The following LINGO1 variants were observed in gnomAD, a reference collection of about 807,000 sequenced individuals.
LINGO1 encodes leucine rich repeat and Ig domain containing 1.
A neutral mutation model predicts 37.3 loss-of-function variants in LINGO1; 11 were observed. The observed-to-expected ratio is 0.29, with a 90% CI of 0.19 to 0.49. The LOEUF (loss-of-function observed/expected upper bound fraction) is 0.49. Among genes scored for constraint, LINGO1 ranks in the 20% least tolerant of loss-of-function variants. The pLI, the probability that LINGO1 is intolerant of heterozygous loss-of-function variation, is 0.99. For missense variants in LINGO1, 585 were observed against 878.2 expected (o/e 0.67, Z 4.22); for synonymous variants, 387 against 403.0 (o/e 0.96, Z 0.48).
chr15:77,757,481 T>C (rs1042189931), intron 1 of LINGO1, among the ~76,000 whole-genome samples: 1 of 152,328 alleles, frequency 6.6e-6, no homozygotes, highest in East Asian at 1.9e-4. Flanking sequence ...TCCTTTCCAT[T>C]TTCCTGCCTC....
chr15:77,668,771 C>A (rs565685875), intron 3 of LINGO1, among the ~76,000 whole-genome samples: 27 of 147,884 alleles, frequency 1.8e-4, no homozygotes, highest in East Asian at 1.2e-3. Flanking sequence ...GGGGAGCTGC[C>A]CTGGGGAGCT....
chr15:77,657,059 T>C (rs13313424), intron 3 of LINGO1, among the ~76,000 whole-genome samples: 4,498 of 152,290 alleles, frequency 0.03, 218 homozygotes, highest in African/African-American at 0.1. Context: ...CTGTGTGGAC[T>C]CTTGGTTTTC....
intron 1 of LINGO1, among the ~76,000 whole-genome samples, chr15:77,762,540 A>C (rs1369423085): frequency 6.6e-6 from 1 of 152,102 alleles, no homozygotes; most frequent in Non-Finnish European, 1.5e-5. Flanking sequence ...GGGCAGAGCC[A>C]AGGCTCTCTG....
chr15:77,733,818 T>C (rs1266122242), intron 2 of LINGO1, among the ~76,000 whole-genome samples: 1 of 152,194 alleles, frequency 6.6e-6, no homozygotes, highest in Non-Finnish European at 1.5e-5. Context: ...GACAGGAGGC[T>C]GCACTGGCCC....
intron 1 of LINGO1, among the ~76,000 whole-genome samples, chr15:77,740,898 C>A (rs1339727615): frequency 1.3e-5 from 2 of 152,218 alleles, no homozygotes; most frequent in Non-Finnish European, 2.9e-5. Context: ...AGCTATGCGG[C>A]CCGGCAACAG....
intron 1 of LINGO1, among the ~76,000 whole-genome samples, chr15:77,616,288 C>T (rs1033818100): frequency 4.6e-5 from 7 of 152,170 alleles, no homozygotes; most frequent in Admixed American, 1.3e-4. Context: ...CCTGCTGAGC[C>T]GCTCTTGGGC....
At chr15:77,728,950 A>G (rs2076129350) in intron 2 of LINGO1, among the ~76,000 whole-genome samples, 1 of 152,238 alleles carries the variant, frequency 6.6e-6, no homozygotes, top group African/African-American at 2.4e-5. Flanking sequence ...TTGCTGTCCT[A>G]TTTCACAAAG....
chr15:77,758,344 C>T (rs898723926), intron 1 of LINGO1, among the ~76,000 whole-genome samples: 2 of 152,158 alleles, frequency 1.3e-5, no homozygotes, highest in African/African-American at 2.4e-5. Flanking sequence ...ACTGTGCACC[C>T]CAAGGCGGGC....
intron 3 of LINGO1, among the ~76,000 whole-genome samples, chr15:77,675,660 C>T (rs1180209858): frequency 1.3e-5 from 2 of 151,958 alleles, no homozygotes; most frequent in Non-Finnish European, 2.9e-5. Context: ...GGGCTTGAAC[C>T]GCATGCTTTA....
At chr15:77,721,488 C>A (rs1244932133) in intron 2 of LINGO1, among the ~76,000 whole-genome samples, 1 of 152,218 alleles carries the variant, frequency 6.6e-6, no homozygotes, top group East Asian at 1.9e-4. Context: ...CCCACATCTG[C>A]CCCTTGGTGG....
At chr15:77,749,592 T>C (rs993950666) in intron 1 of LINGO1, among the ~76,000 whole-genome samples, 1 of 152,222 alleles carries the variant, frequency 6.6e-6, no homozygotes, top group Non-Finnish European at 1.5e-5. Flanking sequence ...GCCCATGCCA[T>C]GGACCCTTCT....
intron 1 of LINGO1, among the ~76,000 whole-genome samples, chr15:77,760,958 A>C: frequency 1.6e-5 from 2 of 123,420 alleles, no homozygotes; most frequent in African/African-American, 3.4e-5. Context: ...ACAAGGTCTC[A>C]CTCTGTCACC....
At chr15:77,679,365 C>G (rs971342119) in intron 2 of LINGO1, among the ~76,000 whole-genome samples, 1 of 152,026 alleles carries the variant, frequency 6.6e-6, no homozygotes, top group Non-Finnish European at 1.5e-5. Context: ...AAGCAGAGAC[C>G]TTGGTATTTA....
chr15:77,758,418 T>C (rs1416233114), intron 1 of LINGO1, among the ~76,000 whole-genome samples: 1 of 152,108 alleles, frequency 6.6e-6, no homozygotes, highest in Non-Finnish European at 1.5e-5. Context: ...TGACCTTTCT[T>C]GGGTATTTCC....
intron 1 of LINGO1, among the ~76,000 whole-genome samples, chr15:77,797,497 A>G (rs7175762): frequency 0.19 from 29,638 of 152,194 alleles, 3,050 homozygotes; most frequent in African/African-American, 0.26. Context: ...CCTTCAAACG[A>G]AAGTCCACAC....
intron 2 of LINGO1, among the ~76,000 whole-genome samples, chr15:77,728,841 G>A (rs959895324): frequency 2.6e-5 from 4 of 152,242 alleles, no homozygotes; most frequent in Admixed American, 1.3e-4. Flanking sequence ...GGACTGTAGC[G>A]AGGATTAAAT....
chr15:77,659,804 T>TA (rs1433079264), intron 3 of LINGO1, among the ~76,000 whole-genome samples: 3 of 128,744 alleles, frequency 2.3e-5, no homozygotes, highest in African/African-American at 8.6e-5. Context: ...ATTACTGTAT[T>TA]ACCAGGCAGC....
At chr15:77,768,216 T>C (rs1317050164) in intron 1 of LINGO1, among the ~76,000 whole-genome samples, 2 of 151,850 alleles carry the variant, frequency 1.3e-5, no homozygotes, top group African/African-American at 2.4e-5. Flanking sequence ...CCTGTGGGGT[T>C]TCCAGGGAAC....
At chr15:77,819,799 AGCCCGAACCTG>A (rs1361909067) in intron 1 of LINGO1, among the ~76,000 whole-genome samples, 1 of 150,784 alleles carries the variant, frequency 6.6e-6, no homozygotes, top group African/African-American at 2.4e-5. Flanking sequence ...CCGCGCTCCC[AGCCCGAACCTG>A]GGCCCAGGTG....
Sources: gnomAD v4.1 joint callset for allele counts (sites outside exome capture counted in the v4.1 genomes callset) on GRCh38, gnomAD v4.1.1 for gene constraint, MANE v1.5 for transcripts, NCBI Gene and HGNC (gene_info 2026-07-23, HGNC 2026-07-21) for gene names.